The following SGCG variants were observed in gnomAD, a reference collection of about 807,000 sequenced individuals.
SGCG encodes the protein sarcoglycan gamma, also known as gamma-sarcoglycan.
A neutral mutation model predicts 29.3 loss-of-function variants in SGCG; 26 were observed. The observed-to-expected ratio is 0.89, with a 90% CI of 0.65 to 1.23. The LOEUF (loss-of-function observed/expected upper bound fraction) is 1.23, where lower values mean the gene tolerates loss of function less well. SGCG is among the 50% of genes most tolerant of loss of function. The pLI is 0.00. For missense variants in SGCG, 353 were observed against 356.0 expected (o/e 0.99, Z 0.07); for synonymous variants, 145 against 129.7 (o/e 1.12, Z -0.80).
chr13:23,276,623 G>A (rs752824891), intron 4 of SGCG, among the ~76,000 whole-genome samples: 13 of 152,182 alleles, frequency 8.5e-5, no homozygotes, highest in Non-Finnish European at 1.8e-4. Context: ...AGCAGAAACG[G>A]GGTTTCACCG....
intron 5 of SGCG, among the ~76,000 whole-genome samples, chr13:23,285,901 AC>A (rs1237875882): frequency 6.6e-6 from 1 of 151,982 alleles, no homozygotes; most frequent in Non-Finnish European, 1.5e-5. Context: ...GTGAGGCAAC[AC>A]CCCACCCTGC....
chr13:23,243,540 T>G (rs927155178), intron 3 of SGCG: 3 of 152,252 alleles, frequency 2.0e-5, no homozygotes, highest in African/African-American at 7.2e-5. Context: ...AGAAAAGGGT[T>G]TGAAAGTGAC....
At chr13:23,297,286 A>G (rs1173426148) in intron 6 of SGCG, among the ~76,000 whole-genome samples, 1 of 151,390 alleles carries the variant, frequency 6.6e-6, no homozygotes, top group Non-Finnish European at 1.5e-5. Flanking sequence ...CAGCTCGGTC[A>G]GGGAGACCCT....
intron 2 of SGCG, among the ~76,000 whole-genome samples, chr13:23,219,257 C>T (rs1878561078): frequency 6.6e-6 from 1 of 152,026 alleles, no homozygotes; most frequent in Non-Finnish European, 1.5e-5. Context: ...TCGTGTTAGC[C>T]AGGATGGTCT....
At chr13:23,292,780 C>T (rs1301805826) in intron 5 of SGCG, among the ~76,000 whole-genome samples, 1 of 152,128 alleles carries the variant, frequency 6.6e-6, no homozygotes, top group East Asian at 1.9e-4. Flanking sequence ...ATAAAGCTCA[C>T]TCTAGTTTCG....
chr13:23,214,971 C>T (rs1013352944), intron 2 of SGCG, among the ~76,000 whole-genome samples: 1 of 152,128 alleles, frequency 6.6e-6, no homozygotes, highest in Non-Finnish European at 1.5e-5. Flanking sequence ...ATCAGTGATA[C>T]AAATCCCATT....
intron 1 of SGCG, among the ~76,000 whole-genome samples, chr13:23,199,201 A>G (rs1165270391): frequency 6.6e-6 from 1 of 152,250 alleles, no homozygotes; most frequent in Non-Finnish European, 1.5e-5. Context: ...ATTTGTTTTA[A>G]TGAACAAGTC....
chr13:23,271,623 C>A (rs1052202927), intron 4 of SGCG, among the ~76,000 whole-genome samples: 1 of 152,038 alleles, frequency 6.6e-6, no homozygotes, highest in Admixed American at 6.6e-5. Context: ...GTGGGGCTGG[C>A]CTTTCTTGTG....
At chr13:23,236,672 C>T (rs749726838) in intron 3 of SGCG, among the ~76,000 whole-genome samples, 17 of 151,272 alleles carry the variant, frequency 1.1e-4, no homozygotes, top group African/African-American at 1.9e-4. Flanking sequence ...AGTGAGACTC[C>T]GTCTCCAAAA....
chr13:23,301,775 C>T (rs1192896359), intron 6 of SGCG, among the ~76,000 whole-genome samples: 2 of 151,864 alleles, frequency 1.3e-5, no homozygotes, highest in African/African-American at 2.4e-5. Context: ...CTTGTAATCC[C>T]AGCTACTTGG....
intron 2 of SGCG, among the ~76,000 whole-genome samples, chr13:23,208,662 G>A (rs1878073927): frequency 6.6e-6 from 1 of 152,028 alleles, no homozygotes; most frequent in Non-Finnish European, 1.5e-5. Flanking sequence ...ACAATTTCCA[G>A]GAAAGACATC....
chr13:23,318,380 C>T (rs555240), intron 6 of SGCG, among the ~76,000 whole-genome samples: 25,463 of 151,690 alleles, frequency 0.17, 2,721 homozygotes, highest in African/African-American at 0.3. Context: ...AAGTTAGTGC[C>T]TTATGTCCAG....
At chr13:23,201,489 C>T (rs912076691) in intron 1 of SGCG, among the ~76,000 whole-genome samples, 17 of 151,930 alleles carry the variant, frequency 1.1e-4, no homozygotes, top group African/African-American at 3.6e-4. Context: ...ACAGAGGCAT[C>T]GGAGCCAGAG....
chr13:23,309,890 G>C (rs1882497623), intron 6 of SGCG, among the ~76,000 whole-genome samples: 1 of 151,766 alleles, frequency 6.6e-6, no homozygotes, highest in Non-Finnish European at 1.5e-5. Context: ...TTGTTTCCTT[G>C]CTAGAAATTT....
chr13:23,192,132 G>C (rs1327090195), intron 1 of SGCG, among the ~76,000 whole-genome samples: 9 of 146,094 alleles, frequency 6.2e-5, no homozygotes, highest in Non-Finnish European at 1.5e-5. Flanking sequence ...CCGAGATCGC[G>C]CCATTGCACT....
chr13:23,286,537 C>T (rs927873025), intron 5 of SGCG, among the ~76,000 whole-genome samples: 11 of 152,126 alleles, frequency 7.2e-5, no homozygotes, highest in Admixed American at 2.6e-4. Context: ...TCAGGGGATA[C>T]GTTCAAAGAG....
Position 23,191,292 on chromosome 13 carries a change from G to C in SGCG, c.-1+10217G>C, listed in dbSNP as rs998455248. The stretch of plus-strand genomic sequence containing the variant: ...AATAAATCTTCTACACCATCTTCCC[G>C]AGAGCTTTAGTAAGACCTCAGACTG... On this transcript the variant is annotated intron_variant, in intron 1 of 7. Transcript: ENST00000218867. 6.1e-5 allele frequency among the ~76,000 whole-genome samples: 9 copies of C among 147,100 alleles called. 1 individual carries two copies. The highest frequency in any genetic ancestry group is 6.1e-4 in the Admixed American group (9 of 14,818).
chr13:23,223,596 T>A (rs1279852264), intron 2 of SGCG, among the ~76,000 whole-genome samples: 1 of 152,128 alleles, frequency 6.6e-6, no homozygotes, highest in African/African-American at 2.4e-5. Context: ...AGGAAAAACA[T>A]AGAAATTTCC....
At chr13:23,207,646 G>A (rs932196602) in intron 2 of SGCG, among the ~76,000 whole-genome samples, 2 of 152,076 alleles carry the variant, frequency 1.3e-5, no homozygotes, top group Admixed American at 6.6e-5. Flanking sequence ...GATTAAAAAT[G>A]GACAAAACAT....
Sources: allele counts gnomAD v4.1 joint callset (sites outside exome capture counted in the v4.1 genomes callset), GRCh38; gene constraint gnomAD v4.1.1; transcripts MANE v1.5; gene names NCBI Gene and HGNC (gene_info 2026-07-23, HGNC 2026-07-21).